The following TLN2 variants were observed in gnomAD, a reference collection of about 807,000 sequenced individuals.
TLN2 encodes the protein talin-2.
In TLN2, 118 loss-of-function variants were observed where a neutral mutation model predicts 294.7. The observed-to-expected ratio is 0.40, with a 90% CI of 0.34 to 0.47. TLN2 has a LOEUF of 0.47. Among genes scored for constraint, TLN2 ranks in the 20% least tolerant of loss-of-function variants. TLN2 has a pLI of 0.84. For missense variants in TLN2, 3,083 were observed against 3,282.2 expected (o/e 0.94, Z 1.48); for synonymous variants, 1,431 against 1,304.5 (o/e 1.10, Z -2.09).
At chr15:62,839,030 G>A (rs1353441542) in intron 58 of TLN2, 49 bp downstream of exon 58, 6 of 1,570,818 alleles carry the variant, frequency 3.8e-6, no homozygotes, top group Non-Finnish European at 5.2e-6. Flanking sequence ...AGAGGTGTTG[G>A]GTTATAACAG....
intron 4 of TLN2, 169 bp from the exon 5 acceptor site, chr15:62,649,915 C>T: frequency 6.6e-6 from 4 of 610,028 alleles, no homozygotes; most frequent in Non-Finnish European, 1.2e-5. Context: ...TCTTACTCCT[C>T]CAGATCTGCT....
intron 8 of TLN2, among the ~76,000 whole-genome samples, chr15:62,656,741 A>G (rs1596524390): frequency 6.6e-6 from 1 of 152,096 alleles, no homozygotes; most frequent in East Asian, 1.9e-4. Context: ...GGGTTGGCAA[A>G]CTACAGTCAT....
chr15:62,510,759 C>A (rs2039889479), intron 1 of TLN2, among the ~76,000 whole-genome samples: 1 of 152,184 alleles, frequency 6.6e-6, no homozygotes, highest in South Asian at 2.1e-4. Context: ...CCCTGCCTGC[C>A]CCCAGTGCCT....
At chr15:62,674,031 G>C in intron 10 of TLN2, 141 bp downstream of exon 10, 1 of 570,410 alleles carries the variant, frequency 1.8e-6, no homozygotes, top group Non-Finnish European at 3.0e-6. Context: ...CAAGAGTATA[G>C]AAGCTGACAG....
chr15:62,484,927 A>G (rs561614219), intron 1 of TLN2, among the ~76,000 whole-genome samples: 5 of 152,322 alleles, frequency 3.3e-5, no homozygotes, highest in South Asian at 2.1e-4. Flanking sequence ...TCATCTTACA[A>G]TTCTCACTGG....
chr15:62,642,478 G>T (rs114506939), intron 3 of TLN2, among the ~76,000 whole-genome samples: 44 of 152,344 alleles, frequency 2.9e-4, no homozygotes, highest in African/African-American at 1.0e-3. Context: ...GCCAGGACCA[G>T]TTGCAGGCTT....
At chr15:62,498,941 T>A (rs571682055) in intron 1 of TLN2, among the ~76,000 whole-genome samples, 1 of 152,298 alleles carries the variant, frequency 6.6e-6, no homozygotes, top group African/African-American at 2.4e-5. Flanking sequence ...GTTAGTGGAA[T>A]GTGGAGAGTT....
intron 42 of TLN2, among the ~76,000 whole-genome samples, chr15:62,772,276 G>A (rs1218807349): frequency 6.6e-6 from 1 of 152,088 alleles, no homozygotes; most frequent in Admixed American, 6.5e-5. Flanking sequence ...CATTTTCTAT[G>A]TTCAATTTTT....
At chr15:62,801,931 C>A (rs897555805) in intron 50 of TLN2, among the ~76,000 whole-genome samples, 1 of 152,212 alleles carries the variant, frequency 6.6e-6, no homozygotes, top group East Asian at 1.9e-4. Flanking sequence ...GGGTATCCAT[C>A]ATCTCAAGCA....
intron 12 of TLN2, among the ~76,000 whole-genome samples, chr15:62,690,067 C>T (rs1421032471): frequency 9.4e-5 from 10 of 106,200 alleles, no homozygotes; most frequent in Non-Finnish European, 1.9e-5. Context: ...CCCCTCACCT[C>T]CCGGACGGGG....
In TLN2 at chr15:62,410,865, C is replaced by T. The variant is rs74383812; in HGVS notation, c.-238+20180C>T. Among the ~76,000 whole-genome samples, 495 of 152,352 alleles carry T rather than the reference C, an allele frequency of 3.2e-3. 3 individuals are homozygous for T. The highest frequency in any genetic ancestry group is 0.011 in the African/African-American group (472 of 41,594). ...GGAGAAGAGTCCTTTGGTCTTCTGACTCCTAGGCCAGTGCCCTTCCACTGT... is the reference window on the plus strand; with the variant it reads ...GGAGAAGAGTCCTTTGGTCTTCTGATTCCTAGGCCAGTGCCCTTCCACTGT... On this transcript the variant is annotated intron_variant, in intron 1 of 58. Coordinates refer to ENST00000636159, the MANE Select transcript of TLN2 (RefSeq NM_015059.3).
intron 46 of TLN2, among the ~76,000 whole-genome samples, chr15:62,795,583 C>T (rs535194008): frequency 1.2e-4 from 18 of 152,128 alleles, no homozygotes; most frequent in Non-Finnish European, 2.2e-4. Context: ...TACACAGATC[C>T]CCTCTAGACT....
rs148661023 is a variant in TLN2 at position 62,602,226 on chromosome 15, C to T, written c.-162+12464C>T. ...GATGGGCAGGATTTTTACTTAGTTT[C>T]ATCAATTATATACTCTGTTCTTTCA... On this transcript the variant is annotated intron_variant, in intron 2 of 58. Coordinates refer to ENST00000636159, the MANE Select transcript of TLN2 (RefSeq NM_015059.3). Among the ~76,000 whole-genome samples the T allele has an allele frequency of 4.3e-4, 65 of 152,284 alleles. No homozygotes were observed. In the East Asian group the frequency reaches 7.3e-3, roughly 17 times the overall value.
intron 2 of TLN2, among the ~76,000 whole-genome samples, chr15:62,616,408 A>G (rs1473741253): frequency 1.3e-5 from 2 of 151,922 alleles, no homozygotes; most frequent in Admixed American, 6.6e-5. Context: ...TTTCTTTACT[A>G]TTTTCCATAC....
chr15:62,583,339 A>G (rs932870220), intron 1 of TLN2, among the ~76,000 whole-genome samples: 1 of 152,218 alleles, frequency 6.6e-6, no homozygotes, highest in African/African-American at 2.4e-5. Flanking sequence ...GGTCTGACTA[A>G]TTGAAATTCC....
intron 1 of TLN2, among the ~76,000 whole-genome samples, chr15:62,451,477 G>GA (rs1221799435): frequency 1.6e-4 from 25 of 152,298 alleles, no homozygotes; most frequent in African/African-American, 6.0e-4. Context: ...TAACATGGGT[G>GA]AAACCCCGTC....
At chr15:62,653,577 A>T (rs1006788146) in intron 7 of TLN2, among the ~76,000 whole-genome samples, 1 of 152,070 alleles carries the variant, frequency 6.6e-6, no homozygotes, top group Non-Finnish European at 1.5e-5. Flanking sequence ...CACACAAAAA[A>T]TTAGCTGGGC....
intron 43 of TLN2, 141 bp from the exon 44 acceptor site, chr15:62,780,999 C>A (rs1018904037): frequency 4.7e-6 from 3 of 631,814 alleles, no homozygotes; most frequent in Admixed American, 2.7e-5. Context: ...CCTTATTGCA[C>A]AAGTTGGGTA....
chr15:62,469,829 A>G (rs2037363759), intron 1 of TLN2, among the ~76,000 whole-genome samples: 1 of 152,194 alleles, frequency 6.6e-6, no homozygotes, highest in African/African-American at 2.4e-5. Context: ...AAGAATACAG[A>G]ACCCACTCCT....
Sources: gnomAD v4.1 joint callset for allele counts (sites outside exome capture counted in the v4.1 genomes callset) on GRCh38, gnomAD v4.1.1 for gene constraint, MANE v1.5 for transcripts, NCBI Gene and HGNC (gene_info 2026-07-23, HGNC 2026-07-21) for gene names.